NRG3: variants seen among roughly 807,000 people sequenced by gnomAD.
The protein encoded by NRG3 is neuregulin 3.
A neutral mutation model predicts 66.9 loss-of-function variants in NRG3; 31 were observed. That is an observed-to-expected ratio of 0.46 (90% CI 0.35 to 0.63). The LOEUF (loss-of-function observed/expected upper bound fraction) is 0.63, where lower values mean the gene tolerates loss of function less well. Ranked by LOEUF, NRG3 falls within the 20% of genes least tolerant of loss-of-function variation. NRG3 has a pLI of 0.00. For missense variants in NRG3, 910 were observed against 878.9 expected, an observed-to-expected ratio of 1.04 and a Z score of -0.45; for synonymous variants, 393 against 359.4, an observed-to-expected ratio of 1.09 and a Z score of -1.06.
intron 1 of NRG3, among the ~76,000 whole-genome samples, chr10:82,197,832 G>A (rs34772899): frequency 0.47 from 71,234 of 151,938 alleles, 18,306 homozygotes; most frequent in Middle Eastern, 0.66. Context: ...AGAAAAATTT[G>A]TCTCTATTTT....
intron 4 of NRG3, among the ~76,000 whole-genome samples, chr10:82,945,316 A>C (rs1482446997): frequency 6.6e-6 from 1 of 152,192 alleles, no homozygotes; most frequent in African/African-American, 2.4e-5. Flanking sequence ...GCCAGGGTAC[A>C]AGTGCTTTCA....
At position 82,881,733 on chromosome 10, in the gene NRG3, T is replaced by C. The variant is rs528799072; in HGVS notation, c.1054+16296T>C. ...GTATTTATGTATGTGTGTATGTATCTATCTATATCAATGTCCACCGCTGAT... is the reference window on the plus strand; with the variant it reads ...GTATTTATGTATGTGTGTATGTATCCATCTATATCAATGTCCACCGCTGAT... On this transcript the variant is annotated intron_variant, in intron 4 of 8. Transcript: ENST00000372141. Among the ~76,000 whole-genome samples, 124 of 152,336 alleles carry C rather than the reference T, an allele frequency of 8.1e-4. 1 individual carries two copies. Among genetic ancestry groups the C allele is most frequent in the Admixed American group, 5.5e-3 (84 of 15,296 alleles).
chr10:82,766,262 G>C (rs1335450796), intron 3 of NRG3, among the ~76,000 whole-genome samples: 2 of 152,180 alleles, frequency 1.3e-5, no homozygotes, highest in African/African-American at 2.4e-5. Flanking sequence ...TTCTAAAGCA[G>C]AAAGTATTTT....
At chr10:82,713,200 G>T (rs992865855) in intron 2 of NRG3, among the ~76,000 whole-genome samples, 1 of 149,750 alleles carries the variant, frequency 6.7e-6, no homozygotes, top group Non-Finnish European at 1.5e-5. Flanking sequence ...CTACCTTAAA[G>T]GATCATCGTA....
intron 3 of NRG3, among the ~76,000 whole-genome samples, chr10:82,840,090 C>G (rs149841628): frequency 2.0e-3 from 304 of 152,262 alleles, no homozygotes; most frequent in African/African-American, 7.0e-3. Flanking sequence ...CAACCTATAT[C>G]TGTATAAAAA....
chr10:82,538,270 G>A lies in NRG3; in HGVS notation c.953+179402G>A, dbSNP rs1590563117. ...CTGAGCCAGAATTTGAATCTGTAGTGTCCTGGATTCAGAATGTGAACTATT... is the reference window on the plus strand; with the variant it reads ...CTGAGCCAGAATTTGAATCTGTAGTATCCTGGATTCAGAATGTGAACTATT... On this transcript the variant is annotated intron_variant, in intron 2 of 8. Coordinates refer to ENST00000372141, the MANE Select transcript of NRG3 (RefSeq NM_001010848.4). 6.6e-5 allele frequency among the ~76,000 whole-genome samples: 10 copies of A among 152,260 alleles called. 4 individuals are homozygous for A. Among genetic ancestry groups the A allele is most frequent in the Admixed American group, 6.5e-4 (10 of 15,290 alleles).
chr10:82,540,192 G>A (rs2043442452), intron 2 of NRG3, among the ~76,000 whole-genome samples: 1 of 150,350 alleles, frequency 6.7e-6, no homozygotes, highest in Non-Finnish European at 1.5e-5. Flanking sequence ...GTAGTCAATA[G>A]TTTCTAACTA....
Position 82,469,396 on chromosome 10 carries a change from G to A in NRG3, c.953+110528G>A, listed in dbSNP as rs1466172844. On this transcript the variant is annotated intron_variant, in intron 2 of 8. Coordinates refer to ENST00000372141, the MANE Select transcript of NRG3 (RefSeq NM_001010848.4). ...TGTAGAAAGTTAAAGAAGGACCCAT[G>A]GAGCAAGAGGCATATCAAACAGAAC... 2.0e-5 allele frequency among the ~76,000 whole-genome samples: 3 copies of A among 152,286 alleles called. No individual in the cohort carries two copies. In the East Asian group the frequency reaches 5.8e-4, roughly 29 times the overall value.
chr10:82,872,074 G>A (rs1591791814), intron 4 of NRG3, among the ~76,000 whole-genome samples: 1 of 152,078 alleles, frequency 6.6e-6, no homozygotes, highest in African/African-American at 2.4e-5. Context: ...ATCAAGTTGA[G>A]AAAGTCCACC....
chr10:82,466,857 G>A (rs1248610169), intron 2 of NRG3, among the ~76,000 whole-genome samples: 1 of 151,876 alleles, frequency 6.6e-6, no homozygotes, highest in Middle Eastern at 3.4e-3. Context: ...ACAGGCAAGG[G>A]GAAGGGGAAG....
At chr10:82,657,176 T>C (rs1443432065) in intron 2 of NRG3, among the ~76,000 whole-genome samples, 2 of 152,210 alleles carry the variant, frequency 1.3e-5, no homozygotes, top group African/African-American at 4.8e-5. Flanking sequence ...ATTTTTTACA[T>C]AGCACCGATC....
chr10:82,924,232 T>C (rs1485239890), intron 4 of NRG3, among the ~76,000 whole-genome samples: 1 of 151,948 alleles, frequency 6.6e-6, no homozygotes, highest in East Asian at 1.9e-4. Context: ...AAAGGAGCAT[T>C]GGGAGTTTGT....
chr10:82,388,886 A>G (rs750020491), intron 2 of NRG3, among the ~76,000 whole-genome samples: 2 of 152,104 alleles, frequency 1.3e-5, no homozygotes, highest in Non-Finnish European at 2.9e-5. Context: ...GTTAAAATAA[A>G]TATTTTCGAA....
chr10:82,128,987 C>T (rs1299496826), intron 1 of NRG3, among the ~76,000 whole-genome samples: 2 of 151,826 alleles, frequency 1.3e-5, no homozygotes, highest in African/African-American at 4.8e-5. Context: ...GATATCGGCT[C>T]ACTGCAACCT....
At chr10:82,173,454 A>C (rs1590409349) in intron 1 of NRG3, among the ~76,000 whole-genome samples, 1 of 152,204 alleles carries the variant, frequency 6.6e-6, no homozygotes, top group Admixed American at 6.6e-5. Context: ...ATGAGTGCCA[A>C]AAATGCAGTT....
chr10:82,893,369 A>G, intron 4 of NRG3, among the ~76,000 whole-genome samples: 1 of 152,234 alleles, frequency 6.6e-6, no homozygotes, highest in Non-Finnish European at 1.5e-5. Context: ...AGAAGTAATG[A>G]TAATGGAAAT....
At chr10:82,225,582 A>G (rs1354732394) in intron 1 of NRG3, 1 of 152,204 alleles carries the variant, frequency 6.6e-6, no homozygotes, top group African/African-American at 2.4e-5. Context: ...ATGAACATAT[A>G]CACAAGCGAA....
intron 4 of NRG3, among the ~76,000 whole-genome samples, chr10:82,888,453 T>G (rs991321365): frequency 6.6e-6 from 1 of 152,156 alleles, no homozygotes; most frequent in Non-Finnish European, 1.5e-5. Context: ...AGAAATGGAA[T>G]TTAAAAAATC....
intron 1 of NRG3, among the ~76,000 whole-genome samples, chr10:82,116,333 TATTA>T (rs948566774): frequency 6.6e-6 from 1 of 152,140 alleles, no homozygotes; most frequent in African/African-American, 2.4e-5. Context: ...GCGACTGAAA[TATTA>T]ATTCTTAAAC....
Sources: gnomAD v4.1 joint callset for allele counts (sites outside exome capture counted in the v4.1 genomes callset) on GRCh38, gnomAD v4.1.1 for gene constraint, MANE v1.5 for transcripts, NCBI Gene and HGNC (gene_info 2026-07-23, HGNC 2026-07-21) for gene names.